The following PTPRD variants were observed in gnomAD, a reference collection of about 807,000 sequenced individuals.
PTPRD encodes protein tyrosine phosphatase receptor type D.
PTPRD carries 34 observed loss-of-function variants against 214.5 expected under a neutral mutation model. The observed-to-expected ratio is 0.16, with a 90% CI of 0.12 to 0.21. The LOEUF is 0.21. Ranked by LOEUF, PTPRD falls within the 10% of genes least tolerant of loss-of-function variation. The probability of loss-of-function intolerance (pLI) is 1.00; values close to 1 mark genes in which losing one functional copy is unlikely to be tolerated. For missense variants in PTPRD, 2,545 were observed against 2,398.7 expected (o/e 1.06, Z -1.27); for synonymous variants, 1,128 against 845.7 (o/e 1.33, Z -5.79).
intron 2 of PTPRD, among the ~76,000 whole-genome samples, chr9:10,565,778 T>A (rs1237616188): frequency 6.6e-6 from 1 of 151,922 alleles, no homozygotes; most frequent in African/African-American, 2.4e-5. Context: ...TTCTTAACTC[T>A]GGCACACATT....
chr9:8,941,937 C>G (rs1428503041), intron 11 of PTPRD, among the ~76,000 whole-genome samples: 1 of 152,174 alleles, frequency 6.6e-6, no homozygotes, highest in African/African-American at 2.4e-5. Flanking sequence ...TCCCAAGTAG[C>G]TGGGATTACA....
chr9:9,999,296 A>G (rs992178702), intron 4 of PTPRD, among the ~76,000 whole-genome samples: 1 of 152,218 alleles, frequency 6.6e-6, no homozygotes, highest in African/African-American at 2.4e-5. Context: ...AGCCCAGAGG[A>G]AAGTCCTGAA....
At chr9:9,435,111 G>A (rs983994227) in intron 8 of PTPRD, among the ~76,000 whole-genome samples, 8 of 151,756 alleles carry the variant, frequency 5.3e-5, no homozygotes, top group Admixed American at 3.9e-4. Flanking sequence ...TTTAGACCCC[G>A]CTTTACTTTC....
intron 5 of PTPRD, among the ~76,000 whole-genome samples, chr9:9,900,644 T>G (rs1275816279): frequency 7.0e-6 from 1 of 143,860 alleles, no homozygotes; most frequent in Non-Finnish European, 1.5e-5. Flanking sequence ...TTTTCAGGTT[T>G]TTTTTTTTTT....
At chr9:10,131,374 AAAGT>A (rs1474659652) in intron 3 of PTPRD, among the ~76,000 whole-genome samples, 1 of 152,174 alleles carries the variant, frequency 6.6e-6, no homozygotes, top group Non-Finnish European at 1.5e-5. Context: ...CTATTTCAAC[AAAGT>A]AAGAGAGTAT....
At chr9:9,738,765 T>C (rs984542022) in intron 6 of PTPRD, among the ~76,000 whole-genome samples, 1 of 152,006 alleles carries the variant, frequency 6.6e-6, no homozygotes, top group Non-Finnish European at 1.5e-5. Flanking sequence ...TTTAATTGGG[T>C]TGTCTTTTTA....
chr9:8,683,113 A>G lies in PTPRD; in HGVS notation c.65-46269T>C, dbSNP rs557247178. ...TGTAAGAGGAATATAAAAAAAGAGCAGCAGGCTTGGAAGAAAAGGTGGATC... is the reference window on the plus strand; with the variant it reads ...TGTAAGAGGAATATAAAAAAAGAGCGGCAGGCTTGGAAGAAAAGGTGGATC... On this transcript the variant is annotated intron_variant, in intron 12 of 45. Coordinates refer to ENST00000381196, the MANE Select transcript of PTPRD (RefSeq NM_002839.4). 2.0e-5 allele frequency among the ~76,000 whole-genome samples: 3 copies of G among 152,342 alleles called. No individual in the cohort carries two copies. In the South Asian group the frequency reaches 6.2e-4, roughly 32 times the overall value.
At chr9:9,154,222 A>T (rs7874440) in intron 10 of PTPRD, among the ~76,000 whole-genome samples, 48,340 of 152,072 alleles carry the variant, frequency 0.32, 7,992 homozygotes, top group Middle Eastern at 0.42. Context: ...GAATGAGAAA[A>T]AAATATGTTT....
intron 12 of PTPRD, among the ~76,000 whole-genome samples, chr9:8,663,927 C>T (rs1340647035): frequency 6.6e-6 from 1 of 151,042 alleles, no homozygotes; most frequent in East Asian, 1.9e-4. Flanking sequence ...AAATAATTGG[C>T]GGAAAATGTT....
intron 44 of PTPRD, among the ~76,000 whole-genome samples, chr9:8,327,191 C>T (rs961530567): frequency 2.6e-5 from 4 of 151,596 alleles, no homozygotes; most frequent in Non-Finnish European, 5.9e-5. Context: ...TCTCTACACA[C>T]TGCTTTAAAT....
At chr9:9,780,296 C>T (rs2098833020) in intron 5 of PTPRD, among the ~76,000 whole-genome samples, 1 of 152,120 alleles carries the variant, frequency 6.6e-6, no homozygotes, top group African/African-American at 2.4e-5. Context: ...TGAAAAACTA[C>T]CACTGGGTGC....
intron 37 of PTPRD, among the ~76,000 whole-genome samples, chr9:8,377,699 T>C (rs1016181779): frequency 2.6e-5 from 4 of 152,058 alleles, no homozygotes; most frequent in Admixed American, 2.6e-4. Flanking sequence ...CAATAGGGAA[T>C]ACACCTTTCT....
At chr9:9,810,153 A>T (rs1001331289) in intron 5 of PTPRD, among the ~76,000 whole-genome samples, 4 of 151,742 alleles carry the variant, frequency 2.6e-5, no homozygotes, top group African/African-American at 9.7e-5. Context: ...AAAAAAAGCA[A>T]ATATATTTTT....
intron 5 of PTPRD, among the ~76,000 whole-genome samples, chr9:9,847,519 A>T (rs997743622): frequency 3.9e-5 from 6 of 152,048 alleles, no homozygotes; most frequent in Admixed American, 1.3e-4. Flanking sequence ...TGTTCTCTGG[A>T]CCTAATATGC....
chr9:9,254,812 G>T (rs774542214), intron 9 of PTPRD, among the ~76,000 whole-genome samples: 74 of 152,000 alleles, frequency 4.9e-4, no homozygotes, highest in Non-Finnish European at 8.7e-4. Context: ...CCTGTATTCA[G>T]TTCCTGGATT....
chr9:9,277,294 A>G (rs1455352100), intron 9 of PTPRD, among the ~76,000 whole-genome samples: 7 of 151,358 alleles, frequency 4.6e-5, no homozygotes, highest in African/African-American at 1.5e-4. Context: ...TAAAATGCCA[A>G]TCTGTAAGAA....
In PTPRD at chr9:8,399,255, A is replaced by G. The variant is rs1589491183; in HGVS notation, c.4210+5282T>C. ...CTTACACATCCTTGTTTTATAAGAA[A>G]ACAACGAAAGACTCTAAGTCATAGG... On this transcript the variant is annotated intron_variant, in intron 36 of 45. Transcript: ENST00000381196. Among the ~76,000 whole-genome samples, 4 of 152,282 alleles carry G rather than the reference A, an allele frequency of 2.6e-5. No homozygotes were observed. In the South Asian group the frequency reaches 8.3e-4, roughly 32 times the overall value.
chr9:10,358,787 A>T (rs1279601953), intron 2 of PTPRD, among the ~76,000 whole-genome samples: 1 of 152,008 alleles, frequency 6.6e-6, no homozygotes, highest in Non-Finnish European at 1.5e-5. Flanking sequence ...GAAAATTAAT[A>T]TCATTAAAAT....
chr9:9,554,129 A>C (rs538501524), intron 8 of PTPRD, among the ~76,000 whole-genome samples: 1 of 152,192 alleles, frequency 6.6e-6, no homozygotes, highest in African/African-American at 2.4e-5. Context: ...TATGTGGGCA[A>C]GAATCCAAAA....
Sources: gnomAD v4.1 joint callset for allele counts (sites outside exome capture counted in the v4.1 genomes callset) on GRCh38, gnomAD v4.1.1 for gene constraint, MANE v1.5 for transcripts, NCBI Gene and HGNC (gene_info 2026-07-23, HGNC 2026-07-21) for gene names.